FAM193A: variants seen among roughly 807,000 people sequenced by gnomAD.
FAM193A encodes the protein family with sequence similarity 193 member A.
A neutral mutation model predicts 126.5 loss-of-function variants in FAM193A; 22 were observed. That is an observed-to-expected ratio of 0.17 (90% CI 0.12 to 0.25). FAM193A has a LOEUF of 0.25. Among genes scored for constraint, FAM193A ranks in the 10% least tolerant of loss-of-function variants. The pLI, the probability that FAM193A is intolerant of heterozygous loss-of-function variation, is 1.00. For synonymous variants in FAM193A, 761 were observed against 646.8 expected (o/e 1.18, Z -2.68); for missense variants, 1,675 against 1,672.8 (o/e 1.00, Z -0.02).
chr4:2,595,567 C>T (rs1295138454), intron 1 of FAM193A, among the ~76,000 whole-genome samples: 1 of 152,184 alleles, frequency 6.6e-6, no homozygotes, highest in Non-Finnish European at 1.5e-5. Flanking sequence ...ATCATTACTG[C>T]TGGGCCTGGA....
At chr4:2,693,934 C>T in intron 16 of FAM193A, 60 bp downstream of exon 16, 5 of 1,513,488 alleles carry the variant, frequency 3.3e-6, no homozygotes, top group Non-Finnish European at 4.5e-6. Flanking sequence ...TTATGCCTCA[C>T]TAACACAGCT....
chr4:2,682,402 A>G (rs1466231454), intron 13 of FAM193A, among the ~76,000 whole-genome samples: 1 of 152,166 alleles, frequency 6.6e-6, no homozygotes, highest in Non-Finnish European at 1.5e-5. Flanking sequence ...AGCCTCAAGC[A>G]GTCCTCCCAC....
chr4:2,650,494 C>T (rs552952941), intron 7 of FAM193A, among the ~76,000 whole-genome samples: 2 of 152,312 alleles, frequency 1.3e-5, no homozygotes, highest in Admixed American at 6.5e-5. Flanking sequence ...GCTCTGGCCT[C>T]ACGGGTGCGG....
At chr4:2,611,029 G>C (rs566270007) in intron 2 of FAM193A, among the ~76,000 whole-genome samples, 2 of 152,222 alleles carry the variant, frequency 1.3e-5, no homozygotes, top group Admixed American at 1.3e-4. Context: ...GAGCCACCGT[G>C]CCCGGCCGAG....
chr4:2,686,763 C>G (rs10937923), intron 13 of FAM193A, among the ~76,000 whole-genome samples: 9,949 of 152,074 alleles, frequency 0.065, 620 homozygotes, highest in African/African-American at 0.16. Context: ...CCAGCTGGGC[C>G]GGCACAATGG....
chr4:2,634,776 C>T (rs1240978945), intron 5 of FAM193A, among the ~76,000 whole-genome samples: 1 of 152,122 alleles, frequency 6.6e-6, no homozygotes, highest in Non-Finnish European at 1.5e-5. Context: ...ATAATGACAG[C>T]TACAGAACAT....
At chr4:2,683,441 C>T (rs760697407) in intron 13 of FAM193A, among the ~76,000 whole-genome samples, 13 of 152,118 alleles carry the variant, frequency 8.5e-5, no homozygotes, top group Non-Finnish European at 1.5e-4. Flanking sequence ...ATTACAGGCT[C>T]CCGCCATCAT....
At chr4:2,552,987 A>G (rs1738034754) in intron 1 of FAM193A, among the ~76,000 whole-genome samples, 1 of 150,396 alleles carries the variant, frequency 6.6e-6, no homozygotes, top group Non-Finnish European at 1.5e-5. Context: ...AGCTGGGATT[A>G]CAGGCGCCCG....
At chr4:2,681,497 C>G (rs1372628047) in intron 13 of FAM193A, among the ~76,000 whole-genome samples, 1 of 152,160 alleles carries the variant, frequency 6.6e-6, no homozygotes, top group African/African-American at 2.4e-5. Flanking sequence ...GTTGCCCAGC[C>G]TGGAGTGTAG....
intron 1 of FAM193A, among the ~76,000 whole-genome samples, chr4:2,587,037 T>C (rs1577042762): frequency 3.3e-5 from 5 of 152,326 alleles, no homozygotes; most frequent in Admixed American, 2.6e-4. Flanking sequence ...TTTATAATTT[T>C]ATGTGCTTTA....
intron 2 of FAM193A, among the ~76,000 whole-genome samples, chr4:2,609,614 C>A (rs1173179917): frequency 6.6e-6 from 1 of 152,174 alleles, no homozygotes; most frequent in African/African-American, 2.4e-5. Flanking sequence ...CAACTTAAGC[C>A]ATTTAAGAGT....
At chr4:2,688,517 G>C (rs918109765) in intron 13 of FAM193A, among the ~76,000 whole-genome samples, 10 of 152,056 alleles carry the variant, frequency 6.6e-5, no homozygotes, top group African/African-American at 1.9e-4. Flanking sequence ...GGCGTGTGCC[G>C]GCCAAGGGGA....
chr4:2,695,206 G>A (rs1716897276), intron 17 of FAM193A, 77 bp downstream of exon 17: 1 of 1,281,756 alleles, frequency 7.8e-7, no homozygotes, highest in African/African-American at 1.5e-5. Flanking sequence ...TTCTGTACTA[G>A]GTTGAATTCG....
intron 1 of FAM193A, among the ~76,000 whole-genome samples, chr4:2,567,258 C>T (rs957009990): frequency 7.3e-5 from 11 of 149,718 alleles, no homozygotes; most frequent in Non-Finnish European, 1.2e-4. Context: ...TGAGCCACCA[C>T]GCCCGGCCTG....
chr4:2,699,606 A>T lies in FAM193A; in HGVS notation c.3508-74A>T, dbSNP rs557906165. The T allele has an allele frequency of 2.4e-4, 350 of 1,442,850 alleles. 1 individual carries two copies. The South Asian group carries it at 4.4e-3, about 18-fold the overall frequency. The allele number at this position is 1,442,850 out of a possible 1,614,324, so 89.4% of individuals were successfully genotyped here. A position where few individuals can be genotyped will look rare whatever the true frequency, so the allele number is the denominator to read the frequency against. ...CCATATGTGATTCGTTTTTGAAATT[A>T]TCTTAGTTTTTCTGTATGACTTAAT... On this transcript the variant is annotated intron_variant, in intron 18 of 20. Transcript: ENST00000637812.
At position 2,700,041 on chromosome 4, in the gene FAM193A, T is replaced by C; in HGVS notation, c.3869T>C (p.Leu1290Pro). ...AACCACTCAGAGCCCAGGCCAGGGCTAGGGGCTGATGGGGATGCTGCAGAC... is the reference window on the plus strand; with the variant it reads ...AACCACTCAGAGCCCAGGCCAGGGCCAGGGGCTGATGGGGATGCTGCAGAC... ...HMNHSEPRPGLGADGDAADPV... is the reference protein window; with the variant it reads ...HMNHSEPRPGPGADGDAADPV... Residue 1290 changes from leucine to proline, a missense_variant, in exon 19 of 21, where the codon CTA (leucine) becomes CCA (proline). Transcript: ENST00000637812. 1 of 1,613,868 alleles carries C rather than the reference T, an allele frequency of 6.2e-7. No homozygotes were observed. Among genetic ancestry groups the C allele is most frequent in the East Asian group, 2.2e-5 (1 of 44,852 alleles).
intron 1 of FAM193A, among the ~76,000 whole-genome samples, chr4:2,589,766 A>G (rs980983113): frequency 2.0e-5 from 3 of 152,216 alleles, no homozygotes; most frequent in African/African-American, 7.2e-5. Flanking sequence ...CAGGAAAGAA[A>G]GGGTGAAAAG....
intron 12 of FAM193A, among the ~76,000 whole-genome samples, chr4:2,666,802 A>G (rs555876908): frequency 6.6e-6 from 1 of 152,326 alleles, no homozygotes; most frequent in Admixed American, 6.5e-5. Context: ...AAGTTATTCT[A>G]TACTGTTATA....
At chr4:2,601,271 C>G (rs555229401) in intron 2 of FAM193A, among the ~76,000 whole-genome samples, 1 of 124,616 alleles carries the variant, frequency 8.0e-6, no homozygotes, top group African/African-American at 3.0e-5. Flanking sequence ...TTCTCTCTGT[C>G]GCCCAGGCTG....
Sources: allele counts gnomAD v4.1 joint callset (sites outside exome capture counted in the v4.1 genomes callset), GRCh38; gene constraint gnomAD v4.1.1; transcripts MANE v1.5; gene names NCBI Gene and HGNC (gene_info 2026-07-23, HGNC 2026-07-21).